WDPCP: variants seen among roughly 807,000 people sequenced by gnomAD.
WDPCP encodes WD repeat containing planar cell polarity effector, also known as WD repeat-containing and planar cell polarity effector protein fritz homolog.
In WDPCP, 71 loss-of-function variants were observed where a neutral mutation model predicts 93.1. That is an observed-to-expected ratio of 0.76 (90% confidence interval 0.63 to 0.93). The LOEUF (loss-of-function observed/expected upper bound fraction) is 0.93. WDPCP is among the 40% of genes least tolerant of loss of function. WDPCP has a pLI of 0.00. For missense variants in WDPCP, 844 were observed against 887.4 expected (o/e 0.95, Z 0.62); for synonymous variants, 315 against 315.0 (o/e 1.00, Z 0.00).
intron 14 of WDPCP, among the ~76,000 whole-genome samples, chr2:63,245,011 A>G (rs1680162500): frequency 6.6e-6 from 1 of 152,138 alleles, no homozygotes; most frequent in South Asian, 2.1e-4. Context: ...TTGAGTGCCA[A>G]TATTGATGGC....
At chr2:63,159,548 C>T (rs189068993) in intron 15 of WDPCP, among the ~76,000 whole-genome samples, 1 of 152,246 alleles carries the variant, frequency 6.6e-6, no homozygotes, top group Admixed American at 6.5e-5. Flanking sequence ...GTATCCTGGA[C>T]ATTTTGAGTA....
chr2:63,822,323 T>C (rs1671037090), intron 1 of WDPCP, among the ~76,000 whole-genome samples: 1 of 152,154 alleles, frequency 6.6e-6, no homozygotes, highest in Admixed American at 6.6e-5. Flanking sequence ...CTGTTGACAC[T>C]GAAGTTGTCA....
At chr2:63,435,767 T>A (rs1558632117) in intron 8 of WDPCP, among the ~76,000 whole-genome samples, 1 of 152,112 alleles carries the variant, frequency 6.6e-6, no homozygotes, top group Non-Finnish European at 1.5e-5. Flanking sequence ...ATTAAAAATA[T>A]ACATTTTAAA....
intron 14 of WDPCP, among the ~76,000 whole-genome samples, chr2:63,237,269 C>T (rs1368229919): frequency 6.6e-6 from 1 of 151,982 alleles, no homozygotes; most frequent in Non-Finnish European, 1.5e-5. Context: ...CAAATCAAAA[C>T]CACAATGAGA....
At chr2:63,182,221 T>C (rs900356165) in intron 14 of WDPCP, among the ~76,000 whole-genome samples, 1 of 152,120 alleles carries the variant, frequency 6.6e-6, no homozygotes, top group Admixed American at 6.5e-5. Flanking sequence ...ATTGTCTTGT[T>C]CCAGTTCTTC....
intron 2 of WDPCP, among the ~76,000 whole-genome samples, chr2:63,710,068 C>A (rs941162906): frequency 1.3e-5 from 2 of 152,194 alleles, no homozygotes; most frequent in Non-Finnish European, 2.9e-5. Context: ...TAGGTAACTT[C>A]TTTTGCCCCT....
chr2:63,193,786 A>G (rs948292581), intron 14 of WDPCP, among the ~76,000 whole-genome samples: 1 of 152,212 alleles, frequency 6.6e-6, no homozygotes, highest in Non-Finnish European at 1.5e-5. Flanking sequence ...GGTAAAATTA[A>G]TTTTATCAAA....
At chr2:63,340,481 TTTC>T (rs1472821849) in intron 12 of WDPCP, among the ~76,000 whole-genome samples, 4 of 152,194 alleles carry the variant, frequency 2.6e-5, no homozygotes, top group Non-Finnish European at 5.9e-5. Context: ...CTAAGGGATA[TTTC>T]TTCATTTAAG....
chr2:63,445,251 TAAG>T (rs1697772618), intron 6 of WDPCP, among the ~76,000 whole-genome samples: 1 of 152,100 alleles, frequency 6.6e-6, no homozygotes, highest in Admixed American at 6.5e-5. Flanking sequence ...AGAACTGACT[TAAG>T]GAGAAAAAAC....
At chr2:63,562,678 T>C (rs1706716522) in intron 1 of WDPCP, among the ~76,000 whole-genome samples, 2 of 152,244 alleles carry the variant, frequency 1.3e-5, no homozygotes, top group South Asian at 2.1e-4. Context: ...GTTGGTATTA[T>C]ACTGTAAGGT....
At chr2:63,633,303 G>A (rs262503) in intron 3 of WDPCP, among the ~76,000 whole-genome samples, 120,284 of 152,178 alleles carry the variant, frequency 0.79, 48,006 homozygotes, top group East Asian at 0.98. Flanking sequence ...ACTGGTAAAG[G>A]TAAATATATA....
chr2:63,706,988 A>G (rs1255931976), intron 2 of WDPCP, among the ~76,000 whole-genome samples: 1 of 152,188 alleles, frequency 6.6e-6, no homozygotes, highest in Admixed American at 6.5e-5. Context: ...GTTTCTGCCG[A>G]GAGATCAGTT....
chr2:63,533,697 C>G (rs1399051516), intron 1 of WDPCP, among the ~76,000 whole-genome samples: 1 of 152,150 alleles, frequency 6.6e-6, no homozygotes, highest in Non-Finnish European at 1.5e-5. Flanking sequence ...ATCTCTGGGA[C>G]ACATTTAAAG....
intron 2 of WDPCP, among the ~76,000 whole-genome samples, chr2:63,734,773 C>T (rs1261350269): frequency 6.6e-6 from 1 of 152,120 alleles, no homozygotes; most frequent in Non-Finnish European, 1.5e-5. Flanking sequence ...TAAGTTATTG[C>T]ACCTTTTTAT....
intron 13 of WDPCP, among the ~76,000 whole-genome samples, chr2:63,296,748 T>G (rs114790323): frequency 0.047 from 7,081 of 152,104 alleles, 231 homozygotes; most frequent in Non-Finnish European, 0.069. Context: ...ATGTGAAAGA[T>G]CTCTACAAGG....
intron 12 of WDPCP, among the ~76,000 whole-genome samples, chr2:63,338,569 A>AATATATATATATATATATAT (rs1159039677): frequency 6.9e-5 from 1 of 14,492 alleles, no homozygotes; most frequent in Non-Finnish European, 9.4e-5. Context: ...AAAAAAAAAA[A>AATATATATATATATATATAT]ATATATATAT....
intron 9 of WDPCP, among the ~76,000 whole-genome samples, chr2:63,431,216 G>A (rs1696736049): frequency 1.3e-5 from 2 of 151,788 alleles, no homozygotes; most frequent in African/African-American, 4.8e-5. Flanking sequence ...CACGAAAATC[G>A]CCTAGGGAAC....
intron 14 of WDPCP, among the ~76,000 whole-genome samples, chr2:63,191,309 G>A (rs1322900559): frequency 6.6e-6 from 1 of 151,966 alleles, no homozygotes; most frequent in Non-Finnish European, 1.5e-5. Flanking sequence ...GGAGAATGGC[G>A]TGAACCCGGG....
At chr2:63,354,649 T>C (rs9789431) in intron 12 of WDPCP, among the ~76,000 whole-genome samples, 1 of 151,960 alleles carries the variant, frequency 6.6e-6, no homozygotes, top group Non-Finnish European at 1.5e-5. Context: ...CCCACACACA[T>C]ATATGTGTGT....
Sources: gnomAD v4.1 joint callset for allele counts (sites outside exome capture counted in the v4.1 genomes callset) on GRCh38, gnomAD v4.1.1 for gene constraint, MANE v1.5 for transcripts, NCBI Gene and HGNC (gene_info 2026-07-23, HGNC 2026-07-21) for gene names.